The following SGSM2 variants were observed in gnomAD, a reference collection of about 807,000 sequenced individuals.
The protein encoded by SGSM2 is RUN and TBC1 domain containing 1.
A neutral mutation model predicts 126.6 loss-of-function variants in SGSM2; 89 were observed. The observed-to-expected ratio is 0.70, with a 90% CI of 0.59 to 0.84. SGSM2 has a LOEUF of 0.84. Ranked by LOEUF, SGSM2 falls within the 40% of genes least tolerant of loss-of-function variation. SGSM2 has a pLI of 0.00. For missense variants in SGSM2, 1,404 were observed against 1,416.6 expected (o/e 0.99, Z 0.14); for synonymous variants, 614 against 574.3 (o/e 1.07, Z -0.99).
chr17:2,367,522 G>T lies in SGSM2; in HGVS notation c.1423+117G>T. 1 of 1,195,074 alleles carries T rather than the reference G, an allele frequency of 8.4e-7. No individual in the cohort carries two copies. The allele number at this position is 1,195,074 out of a possible 1,614,324, so 74.0% of individuals were successfully genotyped here. A position where few individuals can be genotyped will look rare whatever the true frequency, so the allele number is the denominator to read the frequency against. On this transcript the variant is annotated intron_variant, in intron 12 of 23. Transcript: ENST00000268989. This position sits in a 1 kb window ranked among gnomAD's most constrained non-coding sequence, Gnocchi z 4.0. ...TTGGCATTAGGGGACTTGCACCCAG[G>T]GCAGTTCCCTTCCATCGGGGGCAGA...
intron 13 of SGSM2, chr17:2,371,808 C>T (rs1387260909): frequency 7.8e-5 from 30 of 384,222 alleles, no homozygotes. Flanking sequence ...TCAGCAGCCA[C>T]CTGCCGTGTG....
rs2066114678 is a variant in SGSM2 at position 2,375,854 on chromosome 17, T to A, written c.2463T>A (p.Ala821=). The change falls in exon 18 of 24, where the codon GCT becomes GCA. Residue 821 remains alanine, a synonymous_variant. Coordinates refer to ENST00000268989, the MANE Select transcript of SGSM2 (RefSeq NM_014853.3). The part of the protein sequence containing the change: ...GELEAGEELA[A]VCAAAYTIEL... ...TGGAGGCCGGAGAGGAGCTTGCGGC[T>A]GTGTGTGCGGCTGCCTACACTGTGC... 2 of 1,527,032 alleles carry A rather than the reference T, an allele frequency of 1.3e-6. No homozygotes were observed. The highest frequency in any genetic ancestry group is 2.8e-5 in the African/African-American group (2 of 72,462). The allele number at this position is 1,527,032 out of a possible 1,614,324, so 94.6% of individuals were successfully genotyped here.
At position 2,373,557 on chromosome 17, in the gene SGSM2, C is replaced by A. The variant is rs749427722; in HGVS notation, c.2100+44C>A. The A allele has an allele frequency of 5.2e-6, 8 of 1,547,320 alleles. No individual in the cohort carries two copies. In the East Asian group the frequency reaches 1.4e-4, roughly 26 times the overall value. On this transcript the variant is annotated intron_variant, in intron 17 of 23. Coordinates refer to ENST00000268989, the MANE Select transcript of SGSM2 (RefSeq NM_014853.3). ...GGAGGGTTGGGGGTCTCGGGGGCCA[C>A]CCGCGTTTTATGCACAGTGGTCCTG...
At chr17:2,376,549 T>G (rs1201158583) in intron 19 of SGSM2, 184 bp from the exon 20 acceptor site, 1 of 723,784 alleles carries the variant, frequency 1.4e-6, no homozygotes. Flanking sequence ...TAAGTCGGAG[T>G]GCCTTGGGGG....
rs772397761 is a variant in SGSM2 at position 2,367,329 on chromosome 17, G to A, written c.1347G>A (p.Glu449=). The A allele has an allele frequency of 4.3e-6, 7 of 1,614,150 alleles. No individual in the cohort carries two copies. In the South Asian group the frequency reaches 7.7e-5, roughly 18 times the overall value. Residue 449 remains glutamate (E), a synonymous_variant, in exon 12 of 24, where the codon GAG becomes GAA. Transcript: ENST00000268989. The surrounding 1 kb of genome is among the most constrained non-coding windows in gnomAD (Gnocchi z 4.0). The part of the protein sequence containing the change: ...ASRAASVDDD[E]EEEDKLHAML... ...GCGCGGCCTCGGTGGACGATGATGA[G>A]GAAGAGGAGGATAAACTGCACGCGA...
At chr17:2,344,197 C>A (rs1289223962) in intron 2 of SGSM2, among the ~76,000 whole-genome samples, 1 of 152,174 alleles carries the variant, frequency 6.6e-6, no homozygotes, top group African/African-American at 2.4e-5. Flanking sequence ...TCACCTCCTT[C>A]TCAGTGTGGC....
intron 2 of SGSM2, among the ~76,000 whole-genome samples, chr17:2,348,839 T>A (rs1438248156): frequency 6.6e-6 from 1 of 152,104 alleles, no homozygotes; most frequent in Non-Finnish European, 1.5e-5. Context: ...CATAGCTCAC[T>A]CAGCCTCGAC....
chr17:2,378,705 C>A (rs146119177), intron 22 of SGSM2, among the ~76,000 whole-genome samples: 1 of 152,082 alleles, frequency 6.6e-6, no homozygotes, highest in Non-Finnish European at 1.5e-5. Flanking sequence ...GACAGCTGCC[C>A]GGCTGAAGTG....
rs202053725 is a variant in SGSM2, at chr17:2,376,236, G to A, written c.2584G>A (p.Glu862Lys). 34 of 1,613,870 alleles carry A rather than the reference G, an allele frequency of 2.1e-5. No homozygotes were observed. The highest frequency in any genetic ancestry group is 3.3e-5 in the Admixed American group (2 of 60,014). ...CTGGTACTTCACGCCCCCCAACCTC[G>A]AGAGGCTCAGAGACGTCATGTGCAG... The part of the protein sequence containing the change: ...NYWYFTPPNL[E>K]RLRDVMCSYV... Residue 862 changes from glutamate to lysine, a missense_variant, in exon 19 of 24, where the codon GAG becomes AAG. Physicochemically the swap from Glu to Lys is moderately conservative, Grantham distance 56. Transcript: ENST00000268989.
rs560459174 is a variant in SGSM2, at chr17:2,380,230, C to T, written c.*710C>T. The T allele has an allele frequency of 9.0e-4, 1,386 of 1,535,968 alleles. No homozygotes were observed. Among genetic ancestry groups the T allele is most frequent in the Non-Finnish European group, 1.1e-3 (1,234 of 1,146,790 alleles). ...GTACCTCTGTGTATCTGTACAGCCT[C>T]GCTCCTGCCACCCCACCCTTGCGTT... On this transcript the variant is annotated 3_prime_UTR_variant, in exon 24 of 24. Transcript: ENST00000268989.
Position 2,380,481 on chromosome 17 carries a change from A to C in SGSM2, c.*961A>C, listed in dbSNP as rs58616245. 13 of 654,030 alleles carry C rather than the reference A, an allele frequency of 2.0e-5. No homozygotes were observed. The Admixed American group carries it at 2.5e-4, about 13-fold the overall frequency. 40.5% of individuals were successfully genotyped at this position (654,030 alleles called of 1,614,324 possible). On this transcript the variant is annotated 3_prime_UTR_variant, in exon 24 of 24. Transcript: ENST00000268989. ...TGAGACTGCGGGAGGCAGGGGATGC[A>C]TGGGTGTCCCCATCTGTCCCTGGTG...
chr17:2,353,863 T>C (rs913317104), intron 2 of SGSM2, among the ~76,000 whole-genome samples: 20 of 152,194 alleles, frequency 1.3e-4, no homozygotes, highest in African/African-American at 4.6e-4. Context: ...TAACCACTTT[T>C]GTTTCTCATG....
Position 2,347,103 on chromosome 17 carries a change from G to GTTTA in SGSM2, c.133+3500_133+3503dup, listed in dbSNP as rs1164310281. On this transcript the variant is annotated intron_variant, in intron 2 of 23. Transcript: ENST00000268989. ...GAGAGAGACCCTGTCTCGTTTGTTT[G>GTTTA]TTTATTTATTTATTTATTTAGAGAC... Among the ~76,000 whole-genome samples the GTTTA allele has an allele frequency of 8.1e-3, 1,232 of 151,918 alleles. 21 individuals are homozygous for GTTTA. The highest frequency in any genetic ancestry group is 0.027 in the African/African-American group (1,121 of 41,460).
Position 2,379,889 on chromosome 17 carries a change from T to G in SGSM2, c.*369T>G. 7.7e-7 allele frequency: 1 copy of G among 1,301,396 alleles called. No homozygotes were observed. Among genetic ancestry groups the G allele is most frequent in the Non-Finnish European group, 9.8e-7 (1 of 1,019,478 alleles). The allele number at this position is 1,301,396 out of a possible 1,614,324, so 80.6% of individuals were successfully genotyped here. A position where few individuals can be genotyped will look rare whatever the true frequency, so the allele number is the denominator to read the frequency against. On this transcript the variant is annotated 3_prime_UTR_variant, in exon 24 of 24. Transcript: ENST00000268989. ...AGGATTAACAGGGGCTATAGCGGCC[T>G]GGGCCCTACTCAGCTGGGGTGGCAG...
rs778600763 is a variant in SGSM2 at position 2,376,812 on chromosome 17, A to C, written c.2689A>C (p.Asn897His). Reference sequence around the variant, plus strand: ...GGCGCCTCTCCTGGTCACCCTCGACAATGGTGAGGGATGGCGGGACATGGG... The same window carrying C: ...GGCGCCTCTCCTGGTCACCCTCGACCATGGTGAGGGATGGCGGGACATGGG... The part of the protein sequence containing the change: ...LLAPLLVTLD[N>H]DQLAYSCFSH... The change falls in exon 20 of 24, where the codon AAT becomes CAT. Residue 897 changes from asparagine to histidine, a missense_variant. Coordinates refer to ENST00000268989, the MANE Select transcript of SGSM2 (RefSeq NM_014853.3). The C allele has an allele frequency of 1.2e-6, 2 of 1,614,080 alleles. No individual in the cohort carries two copies. The highest frequency in any genetic ancestry group is 8.5e-7 in the Non-Finnish European group (1 of 1,180,020).
At chr17:2,371,585 T>C in intron 13 of SGSM2, 170 bp downstream of exon 13, 1 of 746,274 alleles carries the variant, frequency 1.3e-6, no homozygotes, top group Non-Finnish European at 2.1e-6. Flanking sequence ...GTTATGGAAT[T>C]ACCATGAGCC....
In SGSM2 at chr17:2,379,926, C is replaced by T. The variant is rs527650951; in HGVS notation, c.*406C>T. ...AGCTGGGGTGGCAGAGGGCGAGAGG[C>T]TCTGTGCTGTGTCCCTTCTGAGGGT... On this transcript the variant is annotated 3_prime_UTR_variant, in exon 24 of 24. Coordinates refer to ENST00000268989, the MANE Select transcript of SGSM2 (RefSeq NM_014853.3). 8.1e-5 allele frequency: 107 copies of T among 1,318,882 alleles called. 1 individual carries two copies. In the Middle Eastern group the frequency reaches 4.0e-3, roughly 50 times the overall value. The allele number at this position is 1,318,882 out of a possible 1,614,324, so 81.7% of individuals were successfully genotyped here.
Position 2,380,084 on chromosome 17 carries a change from C to T in SGSM2, c.*564C>T. The T allele has an allele frequency of 7.1e-7, 1 of 1,404,140 alleles. No homozygotes were observed. Among genetic ancestry groups the T allele is most frequent in the Non-Finnish European group, 9.2e-7 (1 of 1,083,134 alleles). The allele number at this position is 1,404,140 out of a possible 1,614,324, so 87.0% of individuals were successfully genotyped here. A position where few individuals can be genotyped will look rare whatever the true frequency, so the allele number is the denominator to read the frequency against. On this transcript the variant is annotated 3_prime_UTR_variant, in exon 24 of 24. Coordinates refer to ENST00000268989, the MANE Select transcript of SGSM2 (RefSeq NM_014853.3). ...GACCCGGGCCGCCTTCAGGCCGCTC[C>T]CCCGAGATTCTGGGGCAGTCGGAAG...
intron 2 of SGSM2, among the ~76,000 whole-genome samples, chr17:2,348,374 G>T (rs532942521): frequency 2.0e-5 from 3 of 152,130 alleles, no homozygotes; most frequent in Admixed American, 6.5e-5. Flanking sequence ...GAGCAAAAAA[G>T]ACCCCATCGC....
Sources: gnomAD v4.1 joint callset for allele counts (sites outside exome capture counted in the v4.1 genomes callset) on GRCh38, gnomAD v4.1.1 for gene constraint, Gnocchi (gnomAD v3.1) non-coding constraint, MANE v1.5 for transcripts, NCBI Gene and HGNC (gene_info 2026-07-23, HGNC 2026-07-21) for gene names.